The following AK8 variants were observed in gnomAD, a reference collection of about 807,000 sequenced individuals.
AK8 encodes the protein ATP-AMP transphosphorylase 8.
AK8 carries 44 observed loss-of-function variants against 54.6 expected under a neutral mutation model. The observed-to-expected ratio is 0.81, with a 90% confidence interval of 0.63 to 1.04. The LOEUF (loss-of-function observed/expected upper bound fraction) is 1.04, where lower values mean the gene tolerates loss of function less well. Ranked by LOEUF, AK8 falls within the 50% of genes least tolerant of loss-of-function variation. The pLI, the probability that AK8 is intolerant of heterozygous loss-of-function variation, is 0.00. For synonymous variants in AK8, 239 were observed against 245.6 expected (o/e 0.97, Z 0.25); for missense variants, 555 against 613.6 (o/e 0.90, Z 1.01).
intron 11 of AK8, among the ~76,000 whole-genome samples, chr9:132,734,416 C>T (rs931606876): frequency 5.9e-5 from 9 of 152,210 alleles, no homozygotes; most frequent in African/African-American, 2.2e-4. Flanking sequence ...TATACTTGGT[C>T]CAGGGTGAGG....
At chr9:132,818,527 A>G (rs1841434602) in intron 9 of AK8, among the ~76,000 whole-genome samples, 1 of 152,180 alleles carries the variant, frequency 6.6e-6, no homozygotes. Flanking sequence ...CAAGCAAAAG[A>G]TGCATATTTA....
chr9:132,828,824 AC>A, intron 5 of AK8, 98 bp from the exon 6 acceptor site: 1 of 911,152 alleles, frequency 1.1e-6, no homozygotes, highest in Non-Finnish European at 1.6e-6. Flanking sequence ...AAAGACTAGA[AC>A]TTTTAAGACA....
intron 11 of AK8, among the ~76,000 whole-genome samples, chr9:132,741,127 C>T (rs1837370295): frequency 1.3e-5 from 2 of 152,232 alleles, no homozygotes; most frequent in Admixed American, 1.3e-4. Flanking sequence ...CCAGTCTGTG[C>T]CAGGTCACGG....
At chr9:132,872,961 G>A (rs1000294128) in intron 2 of AK8, among the ~76,000 whole-genome samples, 4 of 152,194 alleles carry the variant, frequency 2.6e-5, no homozygotes, top group South Asian at 2.1e-4. Flanking sequence ...ACAGGCGCCC[G>A]CCACCACGCC....
At chr9:132,768,630 A>G (rs575198423) in intron 11 of AK8, among the ~76,000 whole-genome samples, 4 of 152,336 alleles carry the variant, frequency 2.6e-5, no homozygotes, top group African/African-American at 9.6e-5. Context: ...CCCCAAGGAA[A>G]TGATCAAAAC....
intron 11 of AK8, among the ~76,000 whole-genome samples, chr9:132,743,139 A>G (rs935302472): frequency 4.6e-5 from 7 of 152,212 alleles, no homozygotes; most frequent in Non-Finnish European, 7.3e-5. Context: ...AGTCAATGTC[A>G]TCTTTCTCCA....
At chr9:132,876,658 T>C (rs1844115098) in intron 1 of AK8, among the ~76,000 whole-genome samples, 1 of 152,164 alleles carries the variant, frequency 6.6e-6, no homozygotes, top group Admixed American at 6.6e-5. Flanking sequence ...ACGGGGGCAA[T>C]GTGGGAGGGG....
At chr9:132,780,192 A>T (rs960436392) in intron 11 of AK8, among the ~76,000 whole-genome samples, 1 of 152,174 alleles carries the variant, frequency 6.6e-6, no homozygotes, top group African/African-American at 2.4e-5. Flanking sequence ...AAAGATGAAG[A>T]AGGAGAAAGA....
intron 11 of AK8, among the ~76,000 whole-genome samples, chr9:132,768,308 C>A (rs1838809028): frequency 6.6e-6 from 1 of 151,354 alleles, no homozygotes; most frequent in Admixed American, 6.6e-5. Context: ...GCTCTTGTTG[C>A]CCAGGCTGAA....
intron 11 of AK8, chr9:132,769,550 A>C (rs912159914): frequency 6.6e-5 from 10 of 152,282 alleles, no homozygotes; most frequent in Admixed American, 4.6e-4. Flanking sequence ...CAAATGTCCA[A>C]GGAAGGGCAT....
chr9:132,772,432 C>T (rs1286193450), intron 11 of AK8, among the ~76,000 whole-genome samples: 4 of 152,168 alleles, frequency 2.6e-5, no homozygotes, highest in Non-Finnish European at 5.9e-5. Context: ...GACTGGAGTC[C>T]TTCTAAGAGG....
chr9:132,808,029 G>A (rs969237905), intron 10 of AK8, among the ~76,000 whole-genome samples: 6 of 152,186 alleles, frequency 3.9e-5, no homozygotes, highest in East Asian at 1.9e-4. Context: ...TACACATGCT[G>A]TAGAACACGG....
chr9:132,813,443 A>G (rs112329731), intron 10 of AK8, among the ~76,000 whole-genome samples: 28 of 152,230 alleles, frequency 1.8e-4, no homozygotes, highest in African/African-American at 6.5e-4. Context: ...AGCTTCCACC[A>G]GGAGGATTCC....
In AK8 at chr9:132,735,237, G is replaced by A. The variant is rs1386616987; in HGVS notation, c.1122-7703C>T. ...TGGTAACGCCCACTCTAGCCACACTGCCTGAGATTCTGTTTGAAGAACACA... is the reference window on the plus strand; with the variant it reads ...TGGTAACGCCCACTCTAGCCACACTACCTGAGATTCTGTTTGAAGAACACA... On this transcript the variant is annotated intron_variant, in intron 11 of 12. Transcript: ENST00000298545. Among the ~76,000 whole-genome samples the A allele has an allele frequency of 4.6e-5, 7 of 152,274 alleles. No homozygotes were observed. In the East Asian group the frequency reaches 1.3e-3, roughly 29 times the overall value.
At chr9:132,846,930 C>T (rs1842776059) in intron 5 of AK8, among the ~76,000 whole-genome samples, 1 of 152,216 alleles carries the variant, frequency 6.6e-6, no homozygotes, top group Admixed American at 6.5e-5. Flanking sequence ...AGCTGCTGGG[C>T]GTAGTGCCTG....
chr9:132,868,126 C>A (rs1188018038), intron 2 of AK8, among the ~76,000 whole-genome samples: 1 of 152,204 alleles, frequency 6.6e-6, no homozygotes, highest in Admixed American at 6.5e-5. Flanking sequence ...CTCACATGAG[C>A]CTCTAACGTC....
At chr9:132,873,642 T>C (rs1341528218) in intron 2 of AK8, among the ~76,000 whole-genome samples, 1 of 152,216 alleles carries the variant, frequency 6.6e-6, no homozygotes, top group Non-Finnish European at 1.5e-5. Context: ...CGGTGTGAGA[T>C]AGCTGCGTGT....
At chr9:132,871,767 C>A (rs973048908) in intron 2 of AK8, among the ~76,000 whole-genome samples, 1 of 152,146 alleles carries the variant, frequency 6.6e-6, no homozygotes, top group African/African-American at 2.4e-5. Context: ...GGGAAAGGGG[C>A]GCTAAGGAGG....
chr9:132,877,956 G>A lies in AK8; in HGVS notation c.84+216C>T, dbSNP rs938652053. The A allele has an allele frequency of 1.3e-5, 16 of 1,246,994 alleles. No individual in the cohort carries two copies. In the African/African-American group the frequency reaches 2.2e-4, roughly 17 times the overall value. The allele number at this position is 1,246,994 out of a possible 1,614,324, so 77.2% of individuals were successfully genotyped here. A position where few individuals can be genotyped will look rare whatever the true frequency, so the allele number is the denominator to read the frequency against. The stretch of plus-strand genomic sequence containing the variant: ...CTCGAGTGGCCCCCTTCCTCCCCCT[G>A]GGTCCGCCTGAGGCAAACCCGGGCA... On this transcript the variant is annotated intron_variant, in intron 1 of 12. Transcript: ENST00000298545.
Sources: allele counts gnomAD v4.1 joint callset (sites outside exome capture counted in the v4.1 genomes callset), GRCh38; gene constraint gnomAD v4.1.1; transcripts MANE v1.5; gene names NCBI Gene and HGNC (gene_info 2026-07-23, HGNC 2026-07-21).